FOXP1: variants seen among roughly 807,000 people sequenced by gnomAD.
The protein encoded by FOXP1 is forkhead box protein P1.
Under a neutral mutation model 98.2 loss-of-function variants are expected in FOXP1, and 15 were observed. That is an observed-to-expected ratio of 0.15 (90% CI 0.10 to 0.24). FOXP1 has a LOEUF of 0.24. FOXP1 is among the 10% of genes least tolerant of loss of function. The probability of loss-of-function intolerance (pLI) is 1.00; values close to 1 mark genes in which losing one functional copy is unlikely to be tolerated. For synonymous variants in FOXP1, 371 were observed against 314.5 expected (o/e 1.18, Z -1.90); for missense variants, 633 against 848.5 (o/e 0.75, Z 3.15).
intron 2 of FOXP1, chr3:71,581,106 G>T: frequency 1.0e-6 from 1 of 970,132 alleles, no homozygotes; most frequent in Non-Finnish European, 1.2e-6. Context: ...GTTTCATTTT[G>T]GGTCTTCTGG....
chr3:71,024,165 C>T (rs944643429), intron 11 of FOXP1, among the ~76,000 whole-genome samples: 9 of 152,144 alleles, frequency 5.9e-5, no homozygotes, highest in African/African-American at 9.7e-5. Flanking sequence ...TGCCCAAAGA[C>T]GAGCAGATGA....
intron 6 of FOXP1, among the ~76,000 whole-genome samples, chr3:71,186,975 C>T (rs1279599098): frequency 6.6e-6 from 1 of 152,162 alleles, no homozygotes; most frequent in African/African-American, 2.4e-5. Flanking sequence ...GCAGCATGAA[C>T]GCAGTTATAG....
At chr3:70,992,622 C>T (rs1186905466) in intron 13 of FOXP1, among the ~76,000 whole-genome samples, 2 of 152,010 alleles carry the variant, frequency 1.3e-5, no homozygotes. Context: ...CTCATTGCAC[C>T]CCAATCGAAG....
intron 5 of FOXP1, among the ~76,000 whole-genome samples, chr3:71,237,840 G>A (rs2066929237): frequency 6.6e-6 from 1 of 152,166 alleles, no homozygotes; most frequent in Admixed American, 6.5e-5. Context: ...CAATCAAAGG[G>A]AAGGAGACAG....
rs1559555872 is a variant in FOXP1 at position 70,958,321 on chromosome 3, T to A, written c.*926A>T. 5.6e-6 allele frequency: 3 copies of A among 536,714 alleles called. No homozygotes were observed. The highest frequency in any genetic ancestry group is 4.4e-5 in the Admixed American group (2 of 45,006). The allele number at this position is 536,714 out of a possible 1,614,324, so 33.2% of individuals were successfully genotyped here. ...CTAGAGTTTGTCTCTCTTTTTTTTT[T>A]CTGTCATTCATTCTCTTTCTGGCAG... On this transcript the variant is annotated 3_prime_UTR_variant, in exon 21 of 21. Transcript: ENST00000649528.
In FOXP1 at chr3:71,308,640, G is replaced by T. The variant is rs148810304; in HGVS notation, c.-72-8760C>A. Among the ~76,000 whole-genome samples, 1,246 of 152,080 alleles carry T rather than the reference G, an allele frequency of 8.2e-3. 4 individuals carry two copies. Among genetic ancestry groups the T allele is most frequent in the Non-Finnish European group, 0.012 (844 of 68,004 alleles). On this transcript the variant is annotated intron_variant, in intron 4 of 20. Transcript: ENST00000649528. ...TCTGTGCACAACAGGAGAATAAACT[G>T]TCGCCCAAGGATCCTACATATTTGC...
intron 7 of FOXP1, among the ~76,000 whole-genome samples, chr3:71,101,048 C>T (rs1434535172): frequency 6.6e-6 from 1 of 152,194 alleles, no homozygotes; most frequent in East Asian, 1.9e-4. Flanking sequence ...CAGCAGGTGG[C>T]ACCTGAAGGG....
At chr3:71,245,263 A>G (rs2067640323) in intron 5 of FOXP1, 1 of 152,212 alleles carries the variant, frequency 6.6e-6, no homozygotes, top group Non-Finnish European at 1.5e-5. Flanking sequence ...TGTATGGTAA[A>G]GTAAACAATA....
At chr3:71,148,328 G>C (rs1312790462) in intron 6 of FOXP1, among the ~76,000 whole-genome samples, 1 of 152,076 alleles carries the variant, frequency 6.6e-6, no homozygotes, top group Admixed American at 6.5e-5. Flanking sequence ...AGTGAGCAGA[G>C]ATCATGCCAT....
Position 70,988,036 on chromosome 3 carries a change from G to A in FOXP1, c.1104C>T (p.His368=), listed in dbSNP as rs1339792135. The A allele has an allele frequency of 5.0e-6, 8 of 1,614,030 alleles. No individual in the cohort carries two copies. The highest frequency in any genetic ancestry group is 5.9e-6 in the Non-Finnish European group (7 of 1,179,996). ...DKERLQAMMT[H]LHVKSTEPKA... is the part of the protein sequence containing the mutation. ...TGGGTTCTGTAGACTTCACATGCAG[G>A]TGGGTCATCATGGCTTGCAGGCGTT... is the stretch of plus-strand genomic sequence containing the variant. Residue 368 remains histidine, a synonymous_variant, in exon 14 of 21, where the codon CAC becomes CAT. Coordinates refer to ENST00000649528, the MANE Select transcript of FOXP1 (RefSeq NM_001349338.3).
At chr3:71,404,055 T>C (rs79181861) in intron 3 of FOXP1, among the ~76,000 whole-genome samples, 1,778 of 151,800 alleles carry the variant, frequency 0.012, 42 homozygotes, top group African/African-American at 0.041. Flanking sequence ...CTACAGATAA[T>C]TACCTTAGAG....
At chr3:71,243,224 C>T (rs929951458) in intron 5 of FOXP1, among the ~76,000 whole-genome samples, 10 of 152,160 alleles carry the variant, frequency 6.6e-5, no homozygotes, top group South Asian at 2.1e-4. Context: ...ATGTGTTTTT[C>T]GACAAGCATA....
rs202147567 is a variant in FOXP1 at position 70,959,190 on chromosome 3, G to A, written c.*57C>T. The A allele has an allele frequency of 6.2e-6, 8 of 1,299,920 alleles. No individual in the cohort carries two copies. Among genetic ancestry groups the A allele is most frequent in the Non-Finnish European group, 7.6e-6 (7 of 920,382 alleles). The allele number at this position is 1,299,920 out of a possible 1,614,324, so 80.5% of individuals were successfully genotyped here. A position where few individuals can be genotyped will look rare whatever the true frequency, so the allele number is the denominator to read the frequency against. ...CAATTTCACTGCTAACTTTTGACGT[G>A]TTTTTTTTTTTTTCCTTTTTCCAAT... On this transcript the variant is annotated 3_prime_UTR_variant, in exon 21 of 21. Transcript: ENST00000649528.
chr3:71,121,250 A>G lies in FOXP1; in HGVS notation c.181-8613T>C, dbSNP rs537312106. Among the ~76,000 whole-genome samples, 3 of 152,094 alleles carry G rather than the reference A, an allele frequency of 2.0e-5. No individual in the cohort carries two copies. The South Asian group carries it at 6.2e-4, about 32-fold the overall frequency. ...ACAAACCCCACCGCCAATCAAGCCC[A>G]GGAAGGGGTCAGCAAACCCTGTATC... On this transcript the variant is annotated intron_variant, in intron 6 of 20. Transcript: ENST00000649528.
chr3:71,197,941 C>T, intron 6 of FOXP1: 1 of 1,614,208 alleles, frequency 6.2e-7, no homozygotes, highest in African/African-American at 1.3e-5. Context: ...CACAGGTCCA[C>T]TCATCTTCGT....
intron 2 of FOXP1, among the ~76,000 whole-genome samples, chr3:71,537,132 C>A (rs1384677429): frequency 1.3e-5 from 2 of 152,126 alleles, no homozygotes; most frequent in Non-Finnish European, 2.9e-5. Context: ...GGCCTGGGTA[C>A]TAAATGAAAC....
At chr3:71,143,984 A>G (rs1480117004) in intron 6 of FOXP1, among the ~76,000 whole-genome samples, 1 of 152,194 alleles carries the variant, frequency 6.6e-6, no homozygotes, top group Non-Finnish European at 1.5e-5. Flanking sequence ...ACCTCTGATG[A>G]AAAAGAAAAC....
intron 3 of FOXP1, among the ~76,000 whole-genome samples, chr3:71,377,148 C>T (rs1012915729): frequency 1.3e-5 from 2 of 152,058 alleles, no homozygotes; most frequent in African/African-American, 2.4e-5. Flanking sequence ...CTCACTGATG[C>T]GAAGGTACCC....
intron 13 of FOXP1, among the ~76,000 whole-genome samples, chr3:70,993,779 G>C: frequency 6.6e-6 from 1 of 152,122 alleles, no homozygotes; most frequent in East Asian, 1.9e-4. Flanking sequence ...CGGATCCCTT[G>C]AGCTCAGGAA....
Sources: allele counts gnomAD v4.1 joint callset (sites outside exome capture counted in the v4.1 genomes callset), GRCh38; gene constraint gnomAD v4.1.1; transcripts MANE v1.5; gene names NCBI Gene and HGNC (gene_info 2026-07-23, HGNC 2026-07-21).